Variants in CAMK2B observed in about 807,000 individuals in gnomAD.
The protein encoded by CAMK2B is calcium/calmodulin-dependent protein kinase type II subunit beta.
A neutral mutation model predicts 93.7 loss-of-function variants in CAMK2B; 27 were observed. The ratio of observed to expected loss-of-function variants is 0.29; its 90% CI spans 0.21 to 0.40. The LOEUF is 0.40. Ranked by LOEUF, CAMK2B falls within the 10% of genes least tolerant of loss-of-function variation. The probability of loss-of-function intolerance (pLI) is 1.00; values close to 1 mark genes in which losing one functional copy is unlikely to be tolerated. For synonymous variants in CAMK2B, 374 were observed against 358.8 expected, an observed-to-expected ratio of 1.04 and a Z score of -0.48; for missense variants, 568 against 895.8, an observed-to-expected ratio of 0.63 and a Z score of 4.67.
At chr7:44,222,835 T>C (rs908719166) in intron 20 of CAMK2B, among the ~76,000 whole-genome samples, 1 of 146 alleles carries the variant, frequency 6.8e-3, no homozygotes, top group African/African-American at 0.024. Flanking sequence ...GGAGCCCACC[T>C]GGCAGGTGAC....
intron 1 of CAMK2B, among the ~76,000 whole-genome samples, chr7:44,314,660 A>T (rs1312546762): frequency 1.3e-5 from 2 of 152,156 alleles, no homozygotes; most frequent in Admixed American, 6.5e-5. Flanking sequence ...CATTTTGAAG[A>T]CCCACCAAAG....
rs148050473 is a variant in CAMK2B at position 44,265,561 on chromosome 7, A to T, written c.161-2497T>A. 1.8e-4 allele frequency among the ~76,000 whole-genome samples: 28 copies of T among 152,358 alleles called. No individual in the cohort carries two copies. The East Asian group carries it at 4.8e-3, about 26-fold the overall frequency. ...GTTAAATCAATAAAATCATAAATCC[A>T]AATCAGGAGAAAGATGCAATTATGA... On this transcript the variant is annotated intron_variant, in intron 2 of 23. Transcript: ENST00000395749.
intron 20 of CAMK2B, among the ~76,000 whole-genome samples, chr7:44,222,877 G>A (rs1410185775): frequency 6.6e-6 from 1 of 152,224 alleles, no homozygotes; most frequent in Admixed American, 6.5e-5. Flanking sequence ...ACATGCCCGG[G>A]TGTGCTCATG....
intron 2 of CAMK2B, among the ~76,000 whole-genome samples, chr7:44,276,987 A>G (rs967074587): frequency 2.0e-5 from 3 of 152,186 alleles, no homozygotes; most frequent in African/African-American, 7.2e-5. Flanking sequence ...CTGAAGGGCC[A>G]TTCCAGGGCA....
intron 12 of CAMK2B, 74 bp downstream of exon 12, chr7:44,240,633 A>T: frequency 6.6e-7 from 1 of 1,518,828 alleles, no homozygotes. Flanking sequence ...GAGGCTGGTG[A>T]GGAAGGAGGC....
At chr7:44,226,411 G>A (rs1027829278) in intron 20 of CAMK2B, 105 bp downstream of exon 20, 30 of 939,130 alleles carry the variant, frequency 3.2e-5, no homozygotes, top group Middle Eastern at 3.0e-4. Context: ...CCTGTGCCCC[G>A]CCCTCCTCCG....
chr7:44,228,756 T>C (rs1158953881), intron 19 of CAMK2B, 40 bp downstream of exon 19: 5 of 1,431,544 alleles, frequency 3.5e-6, no homozygotes, highest in African/African-American at 2.9e-5. Flanking sequence ...CAGGGAGCTG[T>C]CCGGCAGCAG....
At chr7:44,228,986 CGGA>C (rs772956306) in intron 18 of CAMK2B, 62 bp from the exon 19 acceptor site, 2 of 1,544,246 alleles carry the variant, frequency 1.3e-6, no homozygotes, top group Non-Finnish European at 1.8e-6. Context: ...GGCGGCAAGG[CGGA>C]GGAGGCCAGT....
chr7:44,302,913 T>C (rs189850784), intron 1 of CAMK2B, among the ~76,000 whole-genome samples: 29 of 152,012 alleles, frequency 1.9e-4, no homozygotes, highest in Admixed American at 1.5e-3. Flanking sequence ...GCTAACATAA[T>C]AAGGCAAGAA....
intron 21 of CAMK2B, 27 bp from the exon 22 acceptor site, chr7:44,220,737 G>A: frequency 6.3e-7 from 1 of 1,595,218 alleles, no homozygotes. Context: ...AGTGAGGAGG[G>A]GCCCCGTGGA....
intron 23 of CAMK2B, 147 bp downstream of exon 23, chr7:44,219,913 T>G: frequency 2.9e-6 from 2 of 684,326 alleles, no homozygotes; most frequent in Non-Finnish European, 4.9e-6. Context: ...TTTGACATCA[T>G]TCCTGTGGCC....
intron 18 of CAMK2B, 80 bp from the exon 19 acceptor site, chr7:44,229,004 G>A (rs773219593): frequency 7.3e-7 from 1 of 1,374,914 alleles, no homozygotes; most frequent in Non-Finnish European, 1.0e-6. Context: ...GCCAGTGGGA[G>A]GGGTCCCGTG....
At chr7:44,307,710 T>C (rs555251763) in intron 1 of CAMK2B, among the ~76,000 whole-genome samples, 20 of 152,046 alleles carry the variant, frequency 1.3e-4, no homozygotes, top group Non-Finnish European at 2.6e-4. Flanking sequence ...AGGTGGCCCA[T>C]TAGCCTAGGG....
chr7:44,318,089 C>T (rs536579666), intron 1 of CAMK2B, among the ~76,000 whole-genome samples: 86 of 152,350 alleles, frequency 5.6e-4, no homozygotes, highest in African/African-American at 2.0e-3. Context: ...CCTAACCAGA[C>T]TCCTACCCTT....
chr7:44,234,776 C>G, intron 13 of CAMK2B, 100 bp from the exon 14 acceptor site: 1 of 1,319,216 alleles, frequency 7.6e-7, no homozygotes, highest in South Asian at 1.2e-5. Flanking sequence ...TCCCCAGGAG[C>G]AAGCCCAGGG....
At chr7:44,298,282 A>G (rs1788866761) in intron 1 of CAMK2B, among the ~76,000 whole-genome samples, 1 of 152,240 alleles carries the variant, frequency 6.6e-6, no homozygotes, top group Non-Finnish European at 1.5e-5. Context: ...GGGTTATTCA[A>G]TGAAGAAAGG....
chr7:44,320,883 C>G (rs1159576361), intron 1 of CAMK2B, among the ~76,000 whole-genome samples: 1 of 152,190 alleles, frequency 6.6e-6, no homozygotes, highest in Non-Finnish European at 1.5e-5. Flanking sequence ...ACCTCCGCCT[C>G]TCTGTGGGTA....
chr7:44,317,751 G>A (rs1370539414), intron 1 of CAMK2B, among the ~76,000 whole-genome samples: 2 of 152,132 alleles, frequency 1.3e-5, no homozygotes, highest in African/African-American at 4.8e-5. Context: ...ACTTGGATGG[G>A]GTGGGCGGTG....
intron 1 of CAMK2B, among the ~76,000 whole-genome samples, chr7:44,324,619 G>T (rs1469245923): frequency 2.0e-5 from 3 of 151,942 alleles, no homozygotes; most frequent in African/African-American, 7.3e-5. Flanking sequence ...GGGCGCCCCC[G>T]CCAACAGTCC....
Sources: allele counts gnomAD v4.1 joint callset (sites outside exome capture counted in the v4.1 genomes callset), GRCh38; gene constraint gnomAD v4.1.1; transcripts MANE v1.5; gene names NCBI Gene and HGNC (gene_info 2026-07-23, HGNC 2026-07-21).